ZMAT4: variants seen among roughly 807,000 people sequenced by gnomAD.
ZMAT4 encodes zinc finger matrin-type 4, also known as zinc finger matrin-type protein 4.
ZMAT4 carries 17 observed loss-of-function variants against 28.7 expected under a neutral mutation model. The observed-to-expected ratio is 0.59, with a 90% CI of 0.41 to 0.89. The LOEUF (loss-of-function observed/expected upper bound fraction) is 0.89. Among genes scored for constraint, ZMAT4 ranks in the 40% least tolerant of loss-of-function variants. The pLI, the probability that ZMAT4 is intolerant of heterozygous loss-of-function variation, is 0.00. For missense variants in ZMAT4, 240 were observed against 283.8 expected (o/e 0.85, Z 1.11); for synonymous variants, 117 against 109.2 (o/e 1.07, Z -0.44).
chr8:40,840,612 A>T (rs1224844870), intron 1 of ZMAT4, among the ~76,000 whole-genome samples: 1 of 152,168 alleles, frequency 6.6e-6, no homozygotes, highest in Non-Finnish European at 1.5e-5. Flanking sequence ...TTAGTCAGAG[A>T]GCAGATCCAT....
chr8:40,818,355 C>T (rs950950084), intron 2 of ZMAT4, among the ~76,000 whole-genome samples: 2 of 152,170 alleles, frequency 1.3e-5, no homozygotes, highest in African/African-American at 4.8e-5. Flanking sequence ...CATTAACAGG[C>T]AATCAGGGAT....
chr8:40,878,953 C>T (rs1818131965), intron 1 of ZMAT4, among the ~76,000 whole-genome samples: 1 of 152,184 alleles, frequency 6.6e-6, no homozygotes, highest in Non-Finnish European at 1.5e-5. Context: ...GAAGAGAGGG[C>T]AGCTGATTTC....
At chr8:40,846,862 T>C (rs1419095196) in intron 1 of ZMAT4, among the ~76,000 whole-genome samples, 4 of 152,172 alleles carry the variant, frequency 2.6e-5, no homozygotes, top group Non-Finnish European at 5.9e-5. Context: ...TAATTCAGGC[T>C]GTTCTGTATG....
rs534387240 is a variant in ZMAT4, at chr8:40,567,707, A to G, written c.674+13458T>C. ...GACAGAGCAAGACTGTCTCAAAAAA[A>G]AAAAAAAGAAAGAACAAAAAAAAAC... On this transcript the variant is annotated intron_variant, in intron 6 of 6. Coordinates refer to ENST00000297737, the MANE Select transcript of ZMAT4 (RefSeq NM_024645.3). Among the ~76,000 whole-genome samples, 3 of 151,016 alleles carry G rather than the reference A, an allele frequency of 2.0e-5. No individual in the cohort carries two copies. The East Asian group carries it at 5.9e-4, about 30-fold the overall frequency.
intron 5 of ZMAT4, among the ~76,000 whole-genome samples, chr8:40,622,546 T>A (rs1180358398): frequency 6.6e-6 from 1 of 152,236 alleles, no homozygotes. Context: ...AAGAGGGGAT[T>A]ATCTTTGTTT....
chr8:40,596,938 A>G (rs902053607), intron 5 of ZMAT4, among the ~76,000 whole-genome samples: 5 of 151,820 alleles, frequency 3.3e-5, no homozygotes, highest in African/African-American at 1.2e-4. Flanking sequence ...TTGAATCTCA[A>G]CTCCGGCTCC....
chr8:40,792,530 AGGGACAGAGGGAG>A (rs1563487522), intron 2 of ZMAT4, among the ~76,000 whole-genome samples: 1 of 12,870 alleles, frequency 7.8e-5, no homozygotes, highest in Non-Finnish European at 1.3e-4. Context: ...GAAGGAAGGA[AGGGACAGAGGGAG>A]GGAGGGAGGG....
chr8:40,669,790 T>C (rs1355208787), intron 5 of ZMAT4, among the ~76,000 whole-genome samples: 1 of 152,146 alleles, frequency 6.6e-6, no homozygotes, highest in African/African-American at 2.4e-5. Context: ...TGTAGGGGGT[T>C]GGTGCCCCTG....
intron 5 of ZMAT4, among the ~76,000 whole-genome samples, chr8:40,646,260 C>G (rs1807309767): frequency 1.3e-5 from 2 of 151,198 alleles, no homozygotes; most frequent in Non-Finnish European, 3.0e-5. Context: ...CTTCTCTGTT[C>G]CTCTCTTCGT....
intron 2 of ZMAT4, among the ~76,000 whole-genome samples, chr8:40,784,034 G>A (rs1813958024): frequency 6.6e-6 from 1 of 151,804 alleles, no homozygotes; most frequent in Non-Finnish European, 1.5e-5. Context: ...TAACTGAAAT[G>A]ATCACCAACC....
chr8:40,548,167 G>A (rs570227530), intron 6 of ZMAT4, among the ~76,000 whole-genome samples: 75 of 152,226 alleles, frequency 4.9e-4, no homozygotes, highest in African/African-American at 1.8e-3. Context: ...GGTGTAGGAA[G>A]GACCCTTCAG....
chr8:40,883,163 G>A (rs902983857), intron 1 of ZMAT4, among the ~76,000 whole-genome samples: 1 of 152,154 alleles, frequency 6.6e-6, no homozygotes, highest in Non-Finnish European at 1.5e-5. Flanking sequence ...CAAATGCTGT[G>A]TGTCCCTTCA....
At chr8:40,797,343 G>T (rs2150583702) in intron 2 of ZMAT4, among the ~76,000 whole-genome samples, 1 of 152,320 alleles carries the variant, frequency 6.6e-6, no homozygotes, top group South Asian at 2.1e-4. Context: ...GCCTCAAGGA[G>T]CTCCATGCCA....
rs572520789 is a variant in ZMAT4, at chr8:40,665,497, A to G, written c.577+9207T>C. ...GCCTCTCTCACCCAGGCCCCCATGA[A>G]TAGTGACTACAGTTCTTTGCATGGC... On this transcript the variant is annotated intron_variant, in intron 5 of 6. Coordinates refer to ENST00000297737, the MANE Select transcript of ZMAT4 (RefSeq NM_024645.3). Among the ~76,000 whole-genome samples, 20 of 152,294 alleles carry G rather than the reference A, an allele frequency of 1.3e-4. No individual in the cohort carries two copies. The South Asian group carries it at 3.9e-3, about 30-fold the overall frequency.
chr8:40,647,891 A>C (rs1268623267), intron 5 of ZMAT4, among the ~76,000 whole-genome samples: 4 of 152,328 alleles, frequency 2.6e-5, no homozygotes, highest in Admixed American at 6.5e-5. Context: ...AAACTAACAA[A>C]CAGAAAGGAC....
At chr8:40,661,942 A>C (rs2599664) in intron 5 of ZMAT4, among the ~76,000 whole-genome samples, 125,731 of 152,118 alleles carry the variant, frequency 0.83, 52,188 homozygotes, top group East Asian at 0.9. Context: ...TTCAATGTAG[A>C]CAAAATTGGT....
chr8:40,830,884 G>A (rs1816256093), intron 1 of ZMAT4, among the ~76,000 whole-genome samples: 1 of 152,090 alleles, frequency 6.6e-6, no homozygotes, highest in Admixed American at 6.5e-5. Flanking sequence ...TTCCTTAGTT[G>A]TAAAATAGGA....
rs114951256 is a variant in ZMAT4 at position 40,576,579 on chromosome 8, T to C, written c.674+4586A>G. ...TCAAGAATACTATACCCTGGAAGGCTATTCTTCAGAAATGAAGTTCCCAAA... is the reference window on the plus strand; with the variant it reads ...TCAAGAATACTATACCCTGGAAGGCCATTCTTCAGAAATGAAGTTCCCAAA... On this transcript the variant is annotated intron_variant, in intron 6 of 6. Coordinates refer to ENST00000297737, the MANE Select transcript of ZMAT4 (RefSeq NM_024645.3). Among the ~76,000 whole-genome samples the C allele has an allele frequency of 3.5e-3, 515 of 148,862 alleles. 3 individuals are homozygous for C. The highest frequency in any genetic ancestry group is 0.012 in the African/African-American group (491 of 40,752).
At chr8:40,852,832 TATC>T (rs1256232446) in intron 1 of ZMAT4, among the ~76,000 whole-genome samples, 1 of 152,200 alleles carries the variant, frequency 6.6e-6, no homozygotes. Flanking sequence ...CACTCATTAA[TATC>T]AACCATTTCA....
Sources: gnomAD v4.1 joint callset for allele counts (sites outside exome capture counted in the v4.1 genomes callset) on GRCh38, gnomAD v4.1.1 for gene constraint, MANE v1.5 for transcripts, NCBI Gene and HGNC (gene_info 2026-07-23, HGNC 2026-07-21) for gene names.